The following PDE1C variants were observed in gnomAD, a reference collection of about 807,000 sequenced individuals.
The protein encoded by PDE1C is dual specificity calcium/calmodulin-dependent 3',5'-cyclic nucleotide phosphodiesterase 1C.
A neutral mutation model predicts 93.1 loss-of-function variants in PDE1C; 62 were observed. The observed-to-expected ratio is 0.67, with a 90% confidence interval of 0.54 to 0.82. PDE1C has a LOEUF of 0.82. Ranked by LOEUF, PDE1C falls within the 40% of genes least tolerant of loss-of-function variation. The probability of loss-of-function intolerance (pLI) is 0.00; values close to 1 mark genes in which losing one functional copy is unlikely to be tolerated. For synonymous variants in PDE1C, 325 were observed against 310.1 expected (o/e 1.05, Z -0.50); for missense variants, 742 against 884.6 (o/e 0.84, Z 2.04).
At chr7:32,016,172 C>T (rs1273591469) in intron 2 of PDE1C, among the ~76,000 whole-genome samples, 1 of 152,240 alleles carries the variant, frequency 6.6e-6, no homozygotes, top group Non-Finnish European at 1.5e-5. Context: ...TGGGGTAGCC[C>T]TGCTCTGCAG....
chr7:31,673,479 G>A, the PDE1C span, among the ~76,000 whole-genome samples: 3,138 of 152,060 alleles, frequency 0.021, 117 homozygotes, highest in African/African-American at 0.071. Flanking sequence ...ATAGATTAAG[G>A]GGATTCTATA....
intron 1 of PDE1C, among the ~76,000 whole-genome samples, chr7:32,306,186 TTAA>T (rs2128903268): frequency 6.6e-6 from 1 of 152,262 alleles, no homozygotes; most frequent in East Asian, 1.9e-4. Context: ...TGTGTGTCCG[TTAA>T]ACCTCTTTTT....
At chr7:31,719,653 G>A in the PDE1C span, among the ~76,000 whole-genome samples, 1 of 152,250 alleles carries the variant, frequency 6.6e-6, no homozygotes, top group African/African-American at 2.4e-5. Flanking sequence ...GCATGGCCGT[G>A]TGGCTCTACA....
the PDE1C span, chr7:31,695,364 A>T: frequency 1.9e-6 from 2 of 1,041,924 alleles, no homozygotes; most frequent in Non-Finnish European, 2.7e-6. Flanking sequence ...TTTCAGGCCA[A>T]ATCACCTCTG....
intron 5 of PDE1C, among the ~76,000 whole-genome samples, chr7:31,877,231 C>T (rs533337811): frequency 6.6e-6 from 1 of 152,284 alleles, no homozygotes; most frequent in South Asian, 2.1e-4. Context: ...TTTAGCAAAT[C>T]TCAAATACCC....
chr7:31,916,536 G>A (rs142622183), intron 2 of PDE1C, among the ~76,000 whole-genome samples: 31 of 152,264 alleles, frequency 2.0e-4, no homozygotes, highest in Non-Finnish European at 3.8e-4. Flanking sequence ...TTCCTGGTGT[G>A]AGAACAGATG....
the PDE1C span, among the ~76,000 whole-genome samples, chr7:31,669,294 T>A: frequency 3.3e-5 from 5 of 152,156 alleles, no homozygotes; most frequent in Non-Finnish European, 7.3e-5. Context: ...TTATATTTAG[T>A]AGAACAGTTC....
chr7:32,414,802 G>T (rs1305184324), intron 1 of PDE1C, among the ~76,000 whole-genome samples: 1 of 149,052 alleles, frequency 6.7e-6, no homozygotes, highest in African/African-American at 2.5e-5. Flanking sequence ...CCCAGAAATG[G>T]CTTTAGAGAA....
intron 3 of PDE1C, among the ~76,000 whole-genome samples, chr7:32,086,652 CAG>C (rs1189085240): frequency 6.6e-6 from 1 of 152,150 alleles, no homozygotes; most frequent in Non-Finnish European, 1.5e-5. Flanking sequence ...GGTACCAAAA[CAG>C]AGATATAGAT....
At chr7:31,857,856 GTACATTCA>G (rs1372320478) in intron 7 of PDE1C, among the ~76,000 whole-genome samples, 1 of 152,118 alleles carries the variant, frequency 6.6e-6, no homozygotes, top group East Asian at 1.9e-4. Context: ...AAACGTGTAG[GTACATTCA>G]TAAATATGTA....
At chr7:32,341,424 C>A (rs553025967) in intron 1 of PDE1C, among the ~76,000 whole-genome samples, 1 of 151,698 alleles carries the variant, frequency 6.6e-6, no homozygotes, top group East Asian at 1.9e-4. Context: ...ATCCGCCCAC[C>A]TCGGCCTCCC....
intron 17 of PDE1C, among the ~76,000 whole-genome samples, chr7:31,754,612 T>C (rs1422190398): frequency 6.6e-6 from 1 of 152,230 alleles, no homozygotes; most frequent in Non-Finnish European, 1.5e-5. Context: ...CTTAAATACA[T>C]ATTGCTAAGT....
chr7:32,304,811 C>T (rs1038920051), intron 1 of PDE1C, among the ~76,000 whole-genome samples: 2 of 151,958 alleles, frequency 1.3e-5, no homozygotes, highest in African/African-American at 4.8e-5. Flanking sequence ...TGGACTCAAC[C>T]CATAGTAAAC....
chr7:31,848,131 A>G, intron 8 of PDE1C, 35 bp from the exon 9 acceptor site: 2 of 1,606,284 alleles, frequency 1.2e-6, no homozygotes, highest in Non-Finnish European at 1.7e-6. Context: ...CAGAATGTTA[A>G]ACAGTTGTGA....
At chr7:32,203,750 T>C (rs1805200433) in intron 2 of PDE1C, among the ~76,000 whole-genome samples, 2 of 152,166 alleles carry the variant, frequency 1.3e-5, no homozygotes, top group African/African-American at 2.4e-5. Flanking sequence ...ATGTCTACCC[T>C]CCGCAAATTT....
chr7:31,794,081 CAGACAGACAGATAGAT>C lies in PDE1C; in HGVS notation c.1891+14934_1891+14949del, dbSNP rs1351769712. On this transcript the variant is annotated intron_variant, in intron 16 of 17. Transcript: ENST00000396191. ...ACAGACAGACAGACAGACAGACAGACAGACAGACAGATAGATAGACAGATAGATGGGCAGGCGGGCA... is the reference window on the plus strand; with the variant it reads ...ACAGACAGACAGACAGACAGACAGACAGACAGATAGATGGGCAGGCGGGCA... 3.2e-3 allele frequency among the ~76,000 whole-genome samples: 433 copies of C among 135,732 alleles called. 4 individuals carry two copies. Among genetic ancestry groups the C allele is most frequent in the African/African-American group, 0.011 (375 of 34,794 alleles). The allele number at this position is 135,732 out of a possible 152,430, so 89.0% of individuals were successfully genotyped here.
intron 1 of PDE1C, among the ~76,000 whole-genome samples, chr7:32,220,168 T>A (rs1806741582): frequency 6.6e-6 from 1 of 152,016 alleles, no homozygotes; most frequent in Non-Finnish European, 1.5e-5. Context: ...GAAAACAGAC[T>A]AATACAAACA....
chr7:31,835,512 T>TG (rs1488778089), intron 11 of PDE1C, among the ~76,000 whole-genome samples: 1 of 121,098 alleles, frequency 8.3e-6, no homozygotes, highest in Non-Finnish European at 1.7e-5. Flanking sequence ...ATATAATAGC[T>TG]GGGGGGTGCT....
At chr7:31,757,384 A>G (rs1794534029) in intron 17 of PDE1C, among the ~76,000 whole-genome samples, 1 of 152,208 alleles carries the variant, frequency 6.6e-6, no homozygotes, top group African/African-American at 2.4e-5. Flanking sequence ...TAACTTTTAA[A>G]AAAGAAACAT....
Sources: allele counts gnomAD v4.1 joint callset (sites outside exome capture counted in the v4.1 genomes callset), GRCh38; gene constraint gnomAD v4.1.1; transcripts MANE v1.5; gene names NCBI Gene and HGNC (gene_info 2026-07-23, HGNC 2026-07-21).